The following NOP9 variants were observed in gnomAD, a reference collection of about 807,000 sequenced individuals.
The protein encoded by NOP9 is NOP9 nucleolar protein, also known as nucleolar protein 9.
In NOP9, 50 loss-of-function variants were observed where a neutral mutation model predicts 63.0. That is an observed-to-expected ratio of 0.79 (90% CI 0.63 to 1.00). The LOEUF (loss-of-function observed/expected upper bound fraction) is 1.00, where lower values mean the gene tolerates loss of function less well. Among genes scored for constraint, NOP9 ranks in the 50% least tolerant of loss-of-function variants. The pLI, the probability that NOP9 is intolerant of heterozygous loss-of-function variation, is 0.00. For synonymous variants in NOP9, 343 were observed against 332.8 expected, an observed-to-expected ratio of 1.03 and a Z score of -0.33; for missense variants, 758 against 803.0, an observed-to-expected ratio of 0.94 and a Z score of 0.68.
the NOP9 span, among the ~76,000 whole-genome samples, chr14:24,288,480 G>A: frequency 2.6e-5 from 4 of 152,052 alleles, no homozygotes; most frequent in Non-Finnish European, 4.4e-5. Flanking sequence ...CTCCCGAGTA[G>A]CTGGGATTAG....
chr14:24,286,545 A>T, the NOP9 span, among the ~76,000 whole-genome samples: 1 of 152,068 alleles, frequency 6.6e-6, no homozygotes, highest in Non-Finnish European at 1.5e-5. Context: ...TTTGTGCATG[A>T]CACCTCACTC....
At chr14:24,287,401 T>C in the NOP9 span, among the ~76,000 whole-genome samples, 3 of 152,084 alleles carry the variant, frequency 2.0e-5, no homozygotes, top group African/African-American at 7.2e-5. Flanking sequence ...ACACCAAAGC[T>C]GTTCCCTCGC....
At chr14:24,296,457 C>T (rs1347531244), upstream of NOP9, 5 of 1,579,748 alleles carry the variant, frequency 3.2e-6, no homozygotes, top group African/African-American at 2.7e-5. Flanking sequence ...GCCTGGCCGT[C>T]GAGTTGGCTA....
chr14:24,293,596 A>C, the NOP9 span: 1 of 152,126 alleles, frequency 6.6e-6, no homozygotes, highest in Non-Finnish European at 1.5e-5. Flanking sequence ...AAATAAAAAG[A>C]AAGAGAACAG....
At position 24,306,489 on chromosome 14, in the gene NOP9, G is replaced by A; in HGVS notation, c.*1394G>A. ...AGTTCCATCCTCCTCTAGCACCAGG[G>A]TTAGCACTCCATTCAGCAGTAGGGT... On this transcript the variant is annotated 3_prime_UTR_variant, in exon 10 of 10. Coordinates refer to ENST00000267425, the MANE Select transcript of NOP9 (RefSeq NM_174913.3). 2 of 1,614,224 alleles carry A rather than the reference G, an allele frequency of 1.2e-6. No individual in the cohort carries two copies. The highest frequency in any genetic ancestry group is 1.7e-6 in the Non-Finnish European group (2 of 1,180,044).
At chr14:24,286,718 G>A in the NOP9 span, among the ~76,000 whole-genome samples, 11 of 151,554 alleles carry the variant, frequency 7.3e-5, no homozygotes, top group Non-Finnish European at 1.5e-5. Context: ...TCAGCCTCCC[G>A]AGTAGCTGGG....
At chr14:24,273,866 A>G in the NOP9 span, among the ~76,000 whole-genome samples, 2 of 152,174 alleles carry the variant, frequency 1.3e-5, no homozygotes, top group African/African-American at 4.8e-5. Context: ...CGTTTCCTCT[A>G]TGTCTGAATT....
chr14:24,276,143 G>A, the NOP9 span, among the ~76,000 whole-genome samples: 1 of 152,056 alleles, frequency 6.6e-6, no homozygotes, highest in African/African-American at 2.4e-5. Context: ...TTGGGAGGCC[G>A]AGGCAGGCGG....
chr14:24,280,360 T>C, the NOP9 span, among the ~76,000 whole-genome samples: 109 of 152,218 alleles, frequency 7.2e-4, 1 homozygote, highest in African/African-American at 6.7e-4. Context: ...GGGCTGTAGG[T>C]GAGCAGAAGC....
rs1344837898 is a variant in NOP9 at position 24,304,481 on chromosome 14, G to GTC, written c.1648-9_1648-8dup. ...TTTGCTAGGGAGACCTACTTTGCTTGTCTCCATACAGGGACAATATGTGGC... is the reference window on the plus strand; with the variant it reads ...TTTGCTAGGGAGACCTACTTTGCTTGTCTCTCCATACAGGGACAATATGTGGC... On this transcript the variant is annotated splice_polypyrimidine_tract_variant and intron_variant, in intron 8 of 9. Coordinates refer to ENST00000267425, the MANE Select transcript of NOP9 (RefSeq NM_174913.3). 1.3e-6 allele frequency: 2 copies of GTC among 1,590,242 alleles called. No homozygotes were observed. The highest frequency in any genetic ancestry group is 4.5e-5 in the East Asian group (2 of 44,772).
Position 24,305,091 on chromosome 14 carries a change from A to G in NOP9, c.1907A>G (p.Asp636Gly), listed in dbSNP as rs1294296994. The change falls in exon 10 of 10, where the codon GAC becomes GGC. Residue 636 changes from aspartate (D) to glycine (G), a missense_variant. Coordinates refer to ENST00000267425, the MANE Select transcript of NOP9 (RefSeq NM_174913.3). ...RRRALNSILED is the reference protein window; with the variant it reads ...RRRALNSILEG ...CGGGCATTGAACTCCATACTTGAAG[A>G]CTGAGGCTTTGGATCTGGGACTGGG... is the stretch of plus-strand genomic sequence containing the variant. 2 of 1,516,228 alleles carry G rather than the reference A, an allele frequency of 1.3e-6. No homozygotes were observed. The highest frequency in any genetic ancestry group is 1.3e-5 in the South Asian group (1 of 79,244). The allele number at this position is 1,516,228 out of a possible 1,614,324, so 93.9% of individuals were successfully genotyped here.
chr14:24,302,141 CG>C, intron 4 of NOP9, 35 bp downstream of exon 4: 2 of 1,604,494 alleles, frequency 1.2e-6, no homozygotes, highest in South Asian at 2.2e-5. Context: ...CCCAAGTTGG[CG>C]GGGCTGTGTG....
At chr14:24,273,756 G>C in the NOP9 span, among the ~76,000 whole-genome samples, 3 of 152,194 alleles carry the variant, frequency 2.0e-5, no homozygotes, top group East Asian at 5.8e-4. Context: ...GAGTGATTAA[G>C]AACATGGATC....
chr14:24,305,720 A>G lies in NOP9; in HGVS notation c.*625A>G, dbSNP rs149427871. ...GGGTGGAGGAAATTCCCAGCAACATATGGCCCAGGCCTTGCAGCAGTGTGG... is the reference window on the plus strand; with the variant it reads ...GGGTGGAGGAAATTCCCAGCAACATGTGGCCCAGGCCTTGCAGCAGTGTGG... On this transcript the variant is annotated 3_prime_UTR_variant, in exon 10 of 10. Transcript: ENST00000267425. The G allele has an allele frequency of 2.6e-4, 416 of 1,614,066 alleles. 4 individuals are homozygous for G. The highest frequency in any genetic ancestry group is 5.7e-5 in the Non-Finnish European group (67 of 1,180,030).
chr14:24,306,496 C>T lies in NOP9; in HGVS notation c.*1401C>T. 6.2e-7 allele frequency: 1 copy of T among 1,614,238 alleles called. No homozygotes were observed. The highest frequency in any genetic ancestry group is 2.2e-5 in the East Asian group (1 of 44,886). On this transcript the variant is annotated 3_prime_UTR_variant, in exon 10 of 10. Transcript: ENST00000267425. ...TCCTCCTCTAGCACCAGGGTTAGCA[C>T]TCCATTCAGCAGTAGGGTCTCCAAT...
chr14:24,291,694 C>G, the NOP9 span: 1 of 1,488,624 alleles, frequency 6.7e-7, no homozygotes, highest in South Asian at 1.1e-5. Flanking sequence ...CTCCCCATTT[C>G]AACTTCTGTT....
At chr14:24,298,991 C>A (rs774414811), upstream of NOP9, 10 of 1,612,806 alleles carry the variant, frequency 6.2e-6, no homozygotes, top group Non-Finnish European at 8.5e-6. Context: ...GTCCAGATGG[C>A]GGCCAGTGAT....
intron 2 of NOP9, 84 bp downstream of exon 2, chr14:24,300,941 C>A: frequency 1.8e-6 from 2 of 1,121,984 alleles, no homozygotes; most frequent in Non-Finnish European, 2.6e-6. Context: ...AAGAGTAAGT[C>A]TTCATGGGGG....
At position 24,305,322 on chromosome 14, in the gene NOP9, G is replaced by T; in HGVS notation, c.*227G>T. ...GGGGAGTTTAGGGACAGGAGGCATT[G>T]GTAGGGGATTAGATGTAGCAGCAGT... On this transcript the variant is annotated 3_prime_UTR_variant, in exon 10 of 10. Transcript: ENST00000267425. The T allele has an allele frequency of 1.8e-6, 1 of 560,322 alleles. No individual in the cohort carries two copies. The allele number at this position is 560,322 out of a possible 1,614,324, so 34.7% of individuals were successfully genotyped here.
Sources: allele counts gnomAD v4.1 joint callset (sites outside exome capture counted in the v4.1 genomes callset), GRCh38; gene constraint gnomAD v4.1.1; transcripts MANE v1.5; gene names NCBI Gene and HGNC (gene_info 2026-07-23, HGNC 2026-07-21).